The following TLL2 variants were observed in gnomAD, a reference collection of about 807,000 sequenced individuals.
The protein encoded by TLL2 is tolloid like 2, also known as tolloid-like protein 2.
A neutral mutation model predicts 123.0 loss-of-function variants in TLL2; 106 were observed. That is an observed-to-expected ratio of 0.86 (90% CI 0.74 to 1.01). TLL2 has a LOEUF of 1.01. TLL2 is among the 50% of genes least tolerant of loss of function. The pLI is 0.00. For missense variants in TLL2, 1,332 were observed against 1,336.7 expected, an observed-to-expected ratio of 1.00 and a Z score of 0.06; for synonymous variants, 494 against 516.8, an observed-to-expected ratio of 0.96 and a Z score of 0.60.
At chr10:96,470,709 T>C (rs534517064) in intron 2 of TLL2, among the ~76,000 whole-genome samples, 4 of 152,332 alleles carry the variant, frequency 2.6e-5, no homozygotes, top group African/African-American at 9.6e-5. Flanking sequence ...GTCCTAATCT[T>C]GGCTCTGCCA....
chr10:96,457,954 C>T (rs1163448715), intron 2 of TLL2, among the ~76,000 whole-genome samples: 1 of 152,136 alleles, frequency 6.6e-6, no homozygotes. Flanking sequence ...TGTCTGTCTC[C>T]CCAACACCTT....
At chr10:96,393,467 G>C (rs1458925471) in intron 13 of TLL2, among the ~76,000 whole-genome samples, 7 of 152,228 alleles carry the variant, frequency 4.6e-5, no homozygotes, top group Admixed American at 2.0e-4. Flanking sequence ...TCTCCAGGTA[G>C]AGAGACTGGA....
chr10:96,401,157 A>G (rs1421293565), intron 10 of TLL2, among the ~76,000 whole-genome samples: 1 of 152,204 alleles, frequency 6.6e-6, no homozygotes, highest in Non-Finnish European at 1.5e-5. Flanking sequence ...AGTGGGCTCC[A>G]TGGGGAGTCA....
At position 96,386,230 on chromosome 10, in the gene TLL2, C is replaced by T. The variant is rs745656375; in HGVS notation, c.1853-15G>A. On this transcript the variant is annotated splice_polypyrimidine_tract_variant and intron_variant, in intron 14 of 20. Coordinates refer to ENST00000357947, the MANE Select transcript of TLL2 (RefSeq NM_012465.4). Reference sequence around the variant, plus strand: ...GCCACAGGCCACTGCACGGGGGAAACAGAAACAGGATTCATTTGGCTTTGG... The same window carrying T: ...GCCACAGGCCACTGCACGGGGGAAATAGAAACAGGATTCATTTGGCTTTGG... 53 of 1,548,984 alleles carry T rather than the reference C, an allele frequency of 3.4e-5. 1 individual carries two copies. In the Middle Eastern group the frequency reaches 5.3e-4, roughly 16 times the overall value.
chr10:96,410,856 G>A (rs77555072), intron 8 of TLL2, among the ~76,000 whole-genome samples: 2,674 of 152,252 alleles, frequency 0.018, 83 homozygotes, highest in African/African-American at 0.061. Context: ...TACATGAAAT[G>A]GATCAGCTCA....
At chr10:96,509,813 G>A (rs1190863201) in intron 1 of TLL2, among the ~76,000 whole-genome samples, 2 of 152,226 alleles carry the variant, frequency 1.3e-5, no homozygotes, top group African/African-American at 2.4e-5. Flanking sequence ...TGGGCATAGT[G>A]GCAGGCGCCT....
chr10:96,495,736 C>T (rs979952562), intron 1 of TLL2, among the ~76,000 whole-genome samples: 10 of 152,076 alleles, frequency 6.6e-5, no homozygotes, highest in East Asian at 3.9e-4. Context: ...ATGTGAATCA[C>T]GCCTCCTGGA....
chr10:96,430,874 C>A (rs1846731953), intron 4 of TLL2, among the ~76,000 whole-genome samples: 1 of 151,994 alleles, frequency 6.6e-6, no homozygotes, highest in South Asian at 2.1e-4. Context: ...AGAGTAAGAC[C>A]CTGTCTCAAA....
intron 2 of TLL2, among the ~76,000 whole-genome samples, chr10:96,474,817 T>C (rs868047430): frequency 1.2e-4 from 19 of 152,290 alleles, no homozygotes; most frequent in Middle Eastern, 3.4e-3. Context: ...GTTGGCAGCA[T>C]TCTCCCCAAA....
intron 15 of TLL2, 104 bp from the exon 16 acceptor site, chr10:96,384,871 T>C: frequency 8.5e-7 from 1 of 1,173,184 alleles, no homozygotes; most frequent in Non-Finnish European, 1.2e-6. Flanking sequence ...CTACCGTGTG[T>C]GGCGGGGGAG....
intron 1 of TLL2, among the ~76,000 whole-genome samples, chr10:96,509,394 C>T (rs1008338547): frequency 1.3e-5 from 2 of 152,254 alleles, no homozygotes; most frequent in Non-Finnish European, 2.9e-5. Context: ...GGGCAGCAGG[C>T]TTTGGATAAA....
chr10:96,428,775 T>A (rs1340729191), intron 4 of TLL2, 27 bp from the exon 5 acceptor site: 6 of 1,416,332 alleles, frequency 4.2e-6, no homozygotes, highest in Non-Finnish European at 4.9e-6. Flanking sequence ...AGCACTCGAC[T>A]TCAATGATGG....
rs1001191931 is a variant in TLL2, at chr10:96,370,096, G to A, written c.2882C>T (p.Ala961Val). 6.2e-7 allele frequency: 1 copy of A among 1,608,608 alleles called. No homozygotes were observed. Among genetic ancestry groups the A allele is most frequent in the East Asian group, 2.2e-5 (1 of 44,724 alleles). The change falls in exon 20 of 21, where the codon GCG (alanine) becomes GTG (valine). Residue 961 changes from alanine to valine, a missense_variant. Coordinates refer to ENST00000357947, the MANE Select transcript of TLL2 (RefSeq NM_012465.4). ...MEAYDGYDSS[A>V]PRLGRFCGSG... ...GCCACAGAAGCGGCCGAGCCTGGGC[G>A]CTGAGCTGTCGTAGCCGTCGTAGGC...
intron 1 of TLL2, among the ~76,000 whole-genome samples, chr10:96,501,062 T>C (rs1407086327): frequency 1.3e-5 from 2 of 152,148 alleles, no homozygotes; most frequent in African/African-American, 4.8e-5. Context: ...CAAACATGCC[T>C]AGAAAAGGTG....
intron 1 of TLL2, among the ~76,000 whole-genome samples, chr10:96,488,852 G>A (rs539054748): frequency 3.9e-5 from 6 of 152,304 alleles, no homozygotes; most frequent in African/African-American, 1.2e-4. Context: ...AGCCAAGGAT[G>A]GAAACCCCTG....
chr10:96,403,770 GC>G (rs957219652), intron 10 of TLL2, among the ~76,000 whole-genome samples: 6 of 125,904 alleles, frequency 4.8e-5, no homozygotes, highest in East Asian at 8.2e-4. Flanking sequence ...TCCCCTGCCT[GC>G]CCCTGGGAAC....
chr10:96,447,690 C>G (rs1317669553), intron 2 of TLL2, among the ~76,000 whole-genome samples: 1 of 152,196 alleles, frequency 6.6e-6, no homozygotes, highest in Non-Finnish European at 1.5e-5. Context: ...TCAAAGCAAC[C>G]AAAGGACAAT....
At chr10:96,393,181 T>C (rs911386826) in intron 13 of TLL2, among the ~76,000 whole-genome samples, 1 of 152,184 alleles carries the variant, frequency 6.6e-6, no homozygotes, top group Admixed American at 6.5e-5. Context: ...GTGAGACCCA[T>C]GTTAGACTTC....
chr10:96,423,675 G>T (rs1846648659), intron 5 of TLL2, among the ~76,000 whole-genome samples: 3 of 152,118 alleles, frequency 2.0e-5, no homozygotes. Flanking sequence ...CTACCAATGG[G>T]ATTCATGGGT....
Sources: allele counts gnomAD v4.1 joint callset (sites outside exome capture counted in the v4.1 genomes callset), GRCh38; gene constraint gnomAD v4.1.1; transcripts MANE v1.5; gene names NCBI Gene and HGNC (gene_info 2026-07-23, HGNC 2026-07-21).